Variants in CRKL observed in about 807,000 individuals in gnomAD.
The protein encoded by CRKL is CRK like proto-oncogene, adaptor protein.
A neutral mutation model predicts 23.0 loss-of-function variants in CRKL; 3 were observed. That is an observed-to-expected ratio of 0.13 (90% CI 0.06 to 0.34). The LOEUF (loss-of-function observed/expected upper bound fraction) is 0.34. Ranked by LOEUF, CRKL falls within the 10% of genes least tolerant of loss-of-function variation. The pLI is 1.00. For synonymous variants in CRKL, 188 were observed against 160.7 expected, an observed-to-expected ratio of 1.17 and a Z score of -1.28; for missense variants, 256 against 394.5, an observed-to-expected ratio of 0.65 and a Z score of 2.97.
Position 20,949,873 on chromosome 22 carries a change from T to G in CRKL, c.*28T>G. ...GCTGTTGCCCTGTTTCCTGCTGCTT[T>G]GTTGTTCTGCCTGTCCTAGTCTCCT... On this transcript the variant is annotated 3_prime_UTR_variant, in exon 3 of 3. Coordinates refer to ENST00000354336, the MANE Select transcript of CRKL (RefSeq NM_005207.4). 1 of 1,594,882 alleles carries G rather than the reference T, an allele frequency of 6.3e-7. No individual in the cohort carries two copies. Among genetic ancestry groups the G allele is most frequent in the Non-Finnish European group, 8.5e-7 (1 of 1,171,992 alleles).
intron 2 of CRKL, among the ~76,000 whole-genome samples, chr22:20,935,932 A>G (rs1327637018): frequency 2.0e-5 from 3 of 152,146 alleles, no homozygotes; most frequent in African/African-American, 7.2e-5. Flanking sequence ...AGGCTGGTGG[A>G]TAACTTGAGG....
intron 1 of CRKL, among the ~76,000 whole-genome samples, chr22:20,930,321 G>A (rs1025446398): frequency 6.6e-6 from 1 of 152,240 alleles, no homozygotes; most frequent in South Asian, 2.1e-4. Flanking sequence ...ACTCAACTAT[G>A]CCTTTGTAGT....
intron 1 of CRKL, among the ~76,000 whole-genome samples, chr22:20,918,821 C>T (rs1929786092): frequency 6.6e-6 from 1 of 152,046 alleles, no homozygotes; most frequent in Non-Finnish European, 1.5e-5. Context: ...CGATCTCTTG[C>T]CCTCGTGATC....
At chr22:20,947,555 G>T (rs977399642) in intron 2 of CRKL, among the ~76,000 whole-genome samples, 6 of 151,514 alleles carry the variant, frequency 4.0e-5, no homozygotes, top group Non-Finnish European at 7.4e-5. Flanking sequence ...GGCCATGCTG[G>T]TCTCGAACTC....
At chr22:20,943,468 A>G (rs1921949236) in intron 2 of CRKL, among the ~76,000 whole-genome samples, 1 of 152,040 alleles carries the variant, frequency 6.6e-6, no homozygotes, top group African/African-American at 2.4e-5. Flanking sequence ...CTGGACTCCT[A>G]AAGTGAGGTG....
At chr22:20,942,738 C>T (rs1209087902) in intron 2 of CRKL, among the ~76,000 whole-genome samples, 5 of 152,112 alleles carry the variant, frequency 3.3e-5, no homozygotes, top group Non-Finnish European at 7.4e-5. Flanking sequence ...TCTCCTGCCT[C>T]AGCCTCCTGA....
intron 2 of CRKL, among the ~76,000 whole-genome samples, chr22:20,947,594 C>T (rs1181961438): frequency 2.0e-5 from 3 of 151,972 alleles, no homozygotes; most frequent in Admixed American, 6.6e-5. Context: ...TCTGCCTTGG[C>T]CTCCCAAAGT....
Position 20,949,808 on chromosome 22 carries a change from A to G in CRKL, c.875A>G (p.Lys292Arg). 1 of 1,611,034 alleles carries G rather than the reference A, an allele frequency of 6.2e-7. No individual in the cohort carries two copies. Among genetic ancestry groups the G allele is most frequent in the Non-Finnish European group, 8.5e-7 (1 of 1,178,952 alleles). The change falls in exon 3 of 3, where the codon AAA (lysine) becomes AGA (arginine). Residue 292 changes from lysine to arginine, a missense_variant. By Grantham distance (26) the Lys-to-Arg change is conservative. Around this residue, in one of 3 missense-constraint regions of CRKL, gnomAD observed 129 missense variants for 222.1 expected, o/e 0.58. Transcript: ENST00000354336. ...RKGLFPFTHV[K>R]IFDPQNPDEN... ...GGGCTTTTCCCCTTTACGCACGTCA[A>G]AATCTTTGACCCTCAAAACCCAGAT...
Position 20,950,052 on chromosome 22 carries a change from A to G in CRKL, c.*207A>G, listed in dbSNP as rs1922209003. ...TAGTCGTATTGTCAAAGAGTAGCCGATTTTAGAGTTCTTTTGGATCATAAA... is the reference window on the plus strand; with the variant it reads ...TAGTCGTATTGTCAAAGAGTAGCCGGTTTTAGAGTTCTTTTGGATCATAAA... On this transcript the variant is annotated 3_prime_UTR_variant, in exon 3 of 3. Coordinates refer to ENST00000354336, the MANE Select transcript of CRKL (RefSeq NM_005207.4). 1.7e-6 allele frequency: 1 copy of G among 572,780 alleles called. No individual in the cohort carries two copies. The highest frequency in any genetic ancestry group is 3.4e-5 in the East Asian group (1 of 29,542). 35.5% of individuals were successfully genotyped at this position (572,780 alleles called of 1,614,324 possible).
intron 2 of CRKL, among the ~76,000 whole-genome samples, chr22:20,946,274 TAG>T (rs1010666589): frequency 6.6e-6 from 1 of 152,126 alleles, no homozygotes; most frequent in African/African-American, 2.4e-5. Context: ...TGCCAGTCAG[TAG>T]AGTCATTTCC....
intron 2 of CRKL, among the ~76,000 whole-genome samples, chr22:20,949,162 G>C (rs903855978): frequency 2.0e-5 from 3 of 152,042 alleles, no homozygotes; most frequent in African/African-American, 7.2e-5. Context: ...GTCTCACTCG[G>C]TTGCCCAGTC....
chr22:20,953,273 G>T lies in CRKL; in HGVS notation c.*3428G>T. 1 of 231,630 alleles carries T rather than the reference G, an allele frequency of 4.3e-6. No individual in the cohort carries two copies. The highest frequency in any genetic ancestry group is 8.6e-6 in the Non-Finnish European group (1 of 116,864). The allele number at this position is 231,630 out of a possible 1,614,324, so 14.3% of individuals were successfully genotyped here. On this transcript the variant is annotated 3_prime_UTR_variant, in exon 3 of 3. Coordinates refer to ENST00000354336, the MANE Select transcript of CRKL (RefSeq NM_005207.4). ...CTCAACTCCACCCTCTGCGACCGGA[G>T]GACTATGCCCCTAGTAACTGCTGTC...
intron 1 of CRKL, among the ~76,000 whole-genome samples, chr22:20,918,991 A>T (rs1929793630): frequency 8.2e-6 from 1 of 121,252 alleles, no homozygotes; most frequent in Non-Finnish European, 1.7e-5. Context: ...CGCCAAAGGC[A>T]CGTACACACA....
At chr22:20,946,644 T>C (rs576293185) in intron 2 of CRKL, among the ~76,000 whole-genome samples, 1 of 152,096 alleles carries the variant, frequency 6.6e-6, no homozygotes, top group South Asian at 2.1e-4. Context: ...GTCTGCCCTC[T>C]AAGACTATAC....
At chr22:20,935,343 C>T (rs1407395544) in intron 2 of CRKL, among the ~76,000 whole-genome samples, 2 of 151,496 alleles carry the variant, frequency 1.3e-5, no homozygotes, top group Non-Finnish European at 2.9e-5. Context: ...GAACTCCTGA[C>T]CTCAGGCGAT....
chr22:20,937,163 C>T (rs557424232), intron 2 of CRKL, among the ~76,000 whole-genome samples: 1 of 152,340 alleles, frequency 6.6e-6, no homozygotes, highest in Admixed American at 6.5e-5. Flanking sequence ...GGCCTTCCAG[C>T]TTTCTCACCC....
chr22:20,920,474 G>A (rs1253020857), intron 1 of CRKL, among the ~76,000 whole-genome samples: 3 of 151,726 alleles, frequency 2.0e-5, no homozygotes, highest in South Asian at 4.2e-4. Flanking sequence ...TGCACAGCCC[G>A]GGTGACAGAG....
chr22:20,934,278 T>C (rs1419463140), intron 2 of CRKL, 34 bp downstream of exon 2: 3 of 1,551,202 alleles, frequency 1.9e-6, no homozygotes, highest in South Asian at 2.4e-5. Flanking sequence ...TTTGGGTCCT[T>C]TGACATTTGG....
rs1922287223 is a variant in CRKL at position 20,951,721 on chromosome 22, A to G, written c.*1876A>G. On this transcript the variant is annotated 3_prime_UTR_variant, in exon 3 of 3. Coordinates refer to ENST00000354336, the MANE Select transcript of CRKL (RefSeq NM_005207.4). ...TGGAGACAGAACCAGCAGAACAGCC[A>G]TTTTTCAATTTTTCTTTAAATCAGT... 1 of 222,556 alleles carries G rather than the reference A, an allele frequency of 4.5e-6. No homozygotes were observed. The highest frequency in any genetic ancestry group is 9.0e-6 in the Non-Finnish European group (1 of 111,422). 13.8% of individuals were successfully genotyped at this position (222,556 alleles called of 1,614,324 possible).
Sources: gnomAD v4.1 joint callset for allele counts (sites outside exome capture counted in the v4.1 genomes callset) on GRCh38, gnomAD v4.1.1 for gene constraint, gnomAD v4.1.1 regional missense constraint, MANE v1.5 for transcripts, NCBI Gene and HGNC (gene_info 2026-07-23, HGNC 2026-07-21) for gene names.